BEND5: variants seen among roughly 807,000 people sequenced by gnomAD.
BEND5 encodes BEN domain containing 5.
Under a neutral mutation model 43.9 loss-of-function variants are expected in BEND5, and 22 were observed. The ratio of observed to expected loss-of-function variants is 0.50; its 90% confidence interval spans 0.36 to 0.72. The LOEUF is 0.72. Among genes scored for constraint, BEND5 ranks in the 30% least tolerant of loss-of-function variants. The probability of loss-of-function intolerance (pLI) is 0.00; values close to 1 mark genes in which losing one functional copy is unlikely to be tolerated. For missense variants in BEND5, 428 were observed against 550.6 expected (o/e 0.78, Z 2.23); for synonymous variants, 228 against 225.9 (o/e 1.01, Z -0.08).
At chr1:48,729,888 A>G (rs1359725504) in intron 5 of BEND5, among the ~76,000 whole-genome samples, 1 of 152,054 alleles carries the variant, frequency 6.6e-6, no homozygotes, top group Non-Finnish European at 1.5e-5. Context: ...TGGCCTTTCC[A>G]TAAGGACTGA....
rs1402498317 is a variant in BEND5 at position 48,776,706 on chromosome 1, C to G, written c.126G>C (p.Arg42=). The change falls in exon 1 of 6, where the codon CGG becomes CGC. Residue 42 remains arginine, a synonymous_variant. Coordinates refer to ENST00000371833, the MANE Select transcript of BEND5 (RefSeq NM_024603.4). ...GCCCGGCGCCCAATTCCTCCGGGCC[C>G]CGGTACACGGCGTACACCTTCTGGT... The part of the protein sequence containing the change: ...FDNQKVYAVY[R]GPEELGAGPE... The G allele has an allele frequency of 6.6e-7, 1 of 1,521,012 alleles. No individual in the cohort carries two copies. The highest frequency in any genetic ancestry group is 8.8e-7 in the Non-Finnish European group (1 of 1,135,200). 94.2% of individuals were successfully genotyped at this position (1,521,012 alleles called of 1,614,324 possible).
In BEND5 at chr1:48,739,475, T is replaced by A. The variant is rs115670585; in HGVS notation, c.895-3023A>T. Among the ~76,000 whole-genome samples, 427 of 152,354 alleles carry A rather than the reference T, an allele frequency of 2.8e-3. 4 individuals are homozygous for A. Among genetic ancestry groups the A allele is most frequent in the African/African-American group, 0.01 (419 of 41,574 alleles). ...CTACTATATTCATCTACATAGTCCA[T>A]CTACACTACAAAATTCCGGAACTTG... On this transcript the variant is annotated intron_variant, in intron 4 of 5. Transcript: ENST00000371833.
rs1649097176 is a variant in BEND5, at chr1:48,736,599, T to C, written c.895-147A>G. 1 of 702,026 alleles carries C rather than the reference T, an allele frequency of 1.4e-6. No individual in the cohort carries two copies. The allele number at this position is 702,026 out of a possible 1,614,324, so 43.5% of individuals were successfully genotyped here. ...TAACTCTCTTTAAGGGTAATCGTAA[T>C]AGCTATCATCTACTGAATACGTGTA... is the stretch of plus-strand genomic sequence containing the variant. On this transcript the variant is annotated intron_variant, in intron 4 of 5. Transcript: ENST00000371833. The surrounding 1 kb of genome is among the most constrained non-coding windows in gnomAD (Gnocchi z 4.0).
chr1:48,757,365 T>C (rs1052449569), intron 3 of BEND5, among the ~76,000 whole-genome samples: 3 of 152,260 alleles, frequency 2.0e-5, no homozygotes, highest in Non-Finnish European at 4.4e-5. Flanking sequence ...TTTGAGATTT[T>C]ATTTTAATAA....
intron 1 of BEND5, among the ~76,000 whole-genome samples, chr1:48,763,789 T>C (rs997265050): frequency 2.6e-5 from 4 of 152,196 alleles, no homozygotes; most frequent in African/African-American, 9.7e-5. Flanking sequence ...TTTTTCAAAA[T>C]GCAGATGAGA....
chr1:48,755,270 C>A (rs1652370806), intron 3 of BEND5, among the ~76,000 whole-genome samples: 1 of 152,184 alleles, frequency 6.6e-6, no homozygotes, highest in Non-Finnish European at 1.5e-5. Flanking sequence ...GGCTGCTCTC[C>A]ACTACCATCT....
At chr1:48,774,111 C>T (rs1030966893) in intron 1 of BEND5, among the ~76,000 whole-genome samples, 1 of 152,224 alleles carries the variant, frequency 6.6e-6, no homozygotes, top group Admixed American at 6.5e-5. Flanking sequence ...GAAAGCTGTG[C>T]TGAAACTACC....
At chr1:48,759,922 G>A (rs775251147) in intron 2 of BEND5, among the ~76,000 whole-genome samples, 3 of 152,182 alleles carry the variant, frequency 2.0e-5, no homozygotes, top group South Asian at 4.1e-4. Flanking sequence ...CTTGAAAAAT[G>A]TTTACTCAAC....
intron 1 of BEND5, among the ~76,000 whole-genome samples, chr1:48,775,615 C>G (rs1160940432): frequency 6.6e-6 from 1 of 152,192 alleles, no homozygotes; most frequent in Non-Finnish European, 1.5e-5. Flanking sequence ...CCTTGCTTGT[C>G]TAGACTCAAA....
intron 4 of BEND5, among the ~76,000 whole-genome samples, chr1:48,739,536 A>C (rs1433730551): frequency 6.6e-6 from 1 of 152,184 alleles, no homozygotes. Flanking sequence ...CCGTAACATC[A>C]AGAGGATGGG....
chr1:48,755,288 G>A (rs536001614), intron 3 of BEND5, among the ~76,000 whole-genome samples: 1 of 152,198 alleles, frequency 6.6e-6, no homozygotes, highest in Admixed American at 6.5e-5. Flanking sequence ...TCTACCATTC[G>A]TAGGACCCCA....
At chr1:48,730,270 A>T (rs1201794758) in intron 5 of BEND5, among the ~76,000 whole-genome samples, 1 of 152,210 alleles carries the variant, frequency 6.6e-6, no homozygotes, top group East Asian at 1.9e-4. Context: ...ACTTTGTAGG[A>T]ACCTGAACCA....
chr1:48,772,283 C>A (rs753202365), intron 1 of BEND5, among the ~76,000 whole-genome samples: 1 of 152,182 alleles, frequency 6.6e-6, no homozygotes, highest in Non-Finnish European at 1.5e-5. Flanking sequence ...CTCTCTTGGG[C>A]GCAGAGGGAG....
intron 4 of BEND5, among the ~76,000 whole-genome samples, chr1:48,741,151 A>C (rs1166254152): frequency 1.3e-5 from 2 of 152,190 alleles, no homozygotes; most frequent in Non-Finnish European, 2.9e-5. Flanking sequence ...CTTTAAGAAA[A>C]ACTCTCTAGT....
At chr1:48,762,160 G>A (rs926960028) in intron 1 of BEND5, among the ~76,000 whole-genome samples, 1 of 152,220 alleles carries the variant, frequency 6.6e-6, no homozygotes, top group Non-Finnish European at 1.5e-5. Flanking sequence ...GCATGAGTCT[G>A]AGGAACAGCC....
intron 3 of BEND5, among the ~76,000 whole-genome samples, chr1:48,756,893 G>T (rs1253949520): frequency 2.6e-5 from 4 of 152,224 alleles, no homozygotes; most frequent in Non-Finnish European, 5.9e-5. Context: ...TGGTGACTCA[G>T]ATCAGGGAAG....
chr1:48,776,768 G>A lies in BEND5; in HGVS notation c.64C>T (p.Arg22Cys). ...VCYALPVSCV[R>C]DFSPRSRLDF... Reference sequence around the variant, plus strand: ...AGCCGCGAGCGGGGGCTGAAGTCGCGCACGCACGACACGGGCAGCGCGTAG... The same window carrying A: ...AGCCGCGAGCGGGGGCTGAAGTCGCACACGCACGACACGGGCAGCGCGTAG... The change falls in exon 1 of 6, where the codon CGC becomes TGC. Residue 22 changes from arginine to cysteine, a missense_variant. Around this residue, in one of 4 missense-constraint regions of BEND5, gnomAD observed 107 missense variants for 98.8 expected, o/e 1.08. Coordinates refer to ENST00000371833, the MANE Select transcript of BEND5 (RefSeq NM_024603.4). The A allele has an allele frequency of 1.3e-6, 2 of 1,525,184 alleles. No homozygotes were observed. Among genetic ancestry groups the A allele is most frequent in the Non-Finnish European group, 1.8e-6 (2 of 1,136,808 alleles). The allele number at this position is 1,525,184 out of a possible 1,614,324, so 94.5% of individuals were successfully genotyped here.
intron 1 of BEND5, among the ~76,000 whole-genome samples, chr1:48,774,969 T>G (rs1027064971): frequency 6.6e-6 from 1 of 152,208 alleles, no homozygotes; most frequent in Non-Finnish European, 1.5e-5. Flanking sequence ...GAAGCATGCA[T>G]GCATTTTCTT....
intron 5 of BEND5, among the ~76,000 whole-genome samples, chr1:48,733,862 C>G (rs1461996638): frequency 6.6e-6 from 1 of 152,188 alleles, no homozygotes; most frequent in Non-Finnish European, 1.5e-5. Context: ...GTGCCAGACA[C>G]TATGTTTGGA....
Sources: gnomAD v4.1 joint callset for allele counts (sites outside exome capture counted in the v4.1 genomes callset) on GRCh38, gnomAD v4.1.1 for gene constraint, gnomAD v4.1.1 regional missense constraint, Gnocchi (gnomAD v3.1) non-coding constraint, MANE v1.5 for transcripts, NCBI Gene and HGNC (gene_info 2026-07-23, HGNC 2026-07-21) for gene names.